Variants in ZNF738 observed in about 807,000 individuals in gnomAD.
ZNF738 encodes the protein protein ZNF738.
In ZNF738, 10 loss-of-function variants were observed where a neutral mutation model predicts 9.2. The observed-to-expected ratio is 1.09, with a 90% CI of 0.67 to 1.85. The LOEUF (loss-of-function observed/expected upper bound fraction) is 1.85, where lower values mean the gene tolerates loss of function less well. ZNF738 is among the 40% of genes most tolerant of loss of function. The pLI, the probability that ZNF738 is intolerant of heterozygous loss-of-function variation, is 0.00. For missense variants in ZNF738, 346 were observed against 283.6 expected (o/e 1.22, Z -1.58); for synonymous variants, 113 against 94.5 (o/e 1.20, Z -1.14).
At chr19:21,371,318 C>T (rs1973854299) in intron 2 of ZNF738, among the ~76,000 whole-genome samples, 1 of 152,192 alleles carries the variant, frequency 6.6e-6, no homozygotes, top group African/African-American at 2.4e-5. Context: ...CTCTCCTAAT[C>T]ACCTGGGTGT....
At chr19:21,382,075 T>TTTA (rs1974013953) in intron 4 of ZNF738, among the ~76,000 whole-genome samples, 1 of 145,052 alleles carries the variant, frequency 6.9e-6, no homozygotes, top group African/African-American at 2.6e-5. Flanking sequence ...TCTTTTTTTT[T>TTTA]TTTTTTTTGA....
At chr19:21,381,872 T>G in intron 4 of ZNF738, 1 of 277,180 alleles carries the variant, frequency 3.6e-6, no homozygotes, top group Non-Finnish European at 7.3e-6. Flanking sequence ...GGGCTGCAGC[T>G]TCCTCTTGCT....
intron 2 of ZNF738, among the ~76,000 whole-genome samples, chr19:21,364,549 T>G (rs924994622): frequency 9.9e-5 from 15 of 151,962 alleles, no homozygotes; most frequent in Non-Finnish European, 1.8e-4. Context: ...AGGTGCCAAG[T>G]TTTTACCAAA....
chr19:21,378,785 G>C, intron 4 of ZNF738: 1 of 235,860 alleles, frequency 4.2e-6, no homozygotes, highest in African/African-American at 2.4e-5. Flanking sequence ...TTTTAGTAGA[G>C]ACAGGGTTTC....
chr19:21,370,608 C>G (rs948407461), intron 2 of ZNF738, among the ~76,000 whole-genome samples: 6 of 152,146 alleles, frequency 3.9e-5, no homozygotes, highest in African/African-American at 1.4e-4. Flanking sequence ...TTTGTTCAGT[C>G]TTTGGAGGAT....
Position 21,383,854 on chromosome 19 carries a change from T to G in ZNF738, c.*180T>G, listed in dbSNP as rs1323503998. ...AAATGTGGAGAATGTGGCAAAGCTT[T>G]CTTCAGATTCTCATACCTTACTACA... On this transcript the variant is annotated 3_prime_UTR_variant, in exon 5 of 5. Transcript: ENST00000683779. The G allele has an allele frequency of 5.9e-6, 8 of 1,356,164 alleles. No individual in the cohort carries two copies. The Admixed American group carries it at 8.5e-5, about 14-fold the overall frequency. 84.0% of individuals were successfully genotyped at this position (1,356,164 alleles called of 1,614,324 possible). A position where few individuals can be genotyped will look rare whatever the true frequency, so the allele number is the denominator to read the frequency against.
chr19:21,373,582 T>A (rs1307338573), intron 2 of ZNF738, among the ~76,000 whole-genome samples: 2 of 152,282 alleles, frequency 1.3e-5, no homozygotes, highest in South Asian at 2.1e-4. Context: ...TGTTCCTGAA[T>A]CTCTGCTGTT....
chr19:21,384,896 A>G lies in ZNF738; in HGVS notation c.*1222A>G, dbSNP rs1458855829. 6.7e-6 allele frequency among the ~76,000 whole-genome samples: 1 copy of G among 149,084 alleles called. No individual in the cohort carries two copies. The highest frequency in any genetic ancestry group is 1.5e-5 in the Non-Finnish European group (1 of 67,040). ...CTTCAACCCTTACTATACATAAGAT[A>G]ATTCATATTGGAGAATAACACTACA... On this transcript the variant is annotated 3_prime_UTR_variant, in exon 5 of 5. Coordinates refer to ENST00000683779, the MANE Select transcript of ZNF738 (RefSeq NM_001355237.2).
At chr19:21,381,348 T>C in intron 4 of ZNF738, 5 of 1,516,120 alleles carry the variant, frequency 3.3e-6, no homozygotes, top group Non-Finnish European at 4.6e-6. Context: ...TTTGCTTTCT[T>C]TTTGATGAAT....
chr19:21,377,479 C>A, intron 4 of ZNF738: 1 of 701,590 alleles, frequency 1.4e-6, no homozygotes, highest in Non-Finnish European at 2.6e-6. Flanking sequence ...TATTTGGAAC[C>A]TTAGTGTGAC....
intron 4 of ZNF738, chr19:21,381,133 G>A (rs373971570): frequency 1.3e-6 from 1 of 795,850 alleles, no homozygotes; most frequent in African/African-American, 1.7e-5. Flanking sequence ...AGCACATTAA[G>A]CACGTGAGAG....
chr19:21,363,560 T>C (rs560237961), intron 2 of ZNF738, among the ~76,000 whole-genome samples: 2 of 152,246 alleles, frequency 1.3e-5, no homozygotes, highest in South Asian at 4.1e-4. Flanking sequence ...TTCTAGACTT[T>C]GTAATATGTT....
At chr19:21,360,325 C>G (rs1973666144) in intron 1 of ZNF738, 1 of 152,176 alleles carries the variant, frequency 6.6e-6, no homozygotes. Flanking sequence ...TAAGTCTAAC[C>G]CCCATCCCTC....
At chr19:21,377,504 A>C in intron 4 of ZNF738, 1 of 668,436 alleles carries the variant, frequency 1.5e-6, no homozygotes, top group Non-Finnish European at 2.7e-6. Context: ...ACACAGACAC[A>C]CAGACGTGCA....
At chr19:21,378,190 TATA>T (rs1342711601) in intron 4 of ZNF738, 2 of 364,088 alleles carry the variant, frequency 5.5e-6, no homozygotes, top group African/African-American at 4.2e-5. Flanking sequence ...TTAACATGTT[TATA>T]ATGATTTCTA....
rs1973836616 is a variant in ZNF738 at position 21,370,002 on chromosome 19, T to G, written c.97-5236T>G. 2.6e-5 allele frequency among the ~76,000 whole-genome samples: 4 copies of G among 152,228 alleles called. No individual in the cohort carries two copies. In the South Asian group the frequency reaches 8.3e-4, roughly 32 times the overall value. ...CTAATTTTCGTATTTTTAGTAGAGATTGGGTTTTACCATGTTGGTCACACT... is the reference window on the plus strand; with the variant it reads ...CTAATTTTCGTATTTTTAGTAGAGAGTGGGTTTTACCATGTTGGTCACACT... On this transcript the variant is annotated intron_variant, in intron 2 of 4. Transcript: ENST00000683779.
chr19:21,367,032 T>C (rs1354202582), intron 2 of ZNF738, among the ~76,000 whole-genome samples: 2 of 152,198 alleles, frequency 1.3e-5, no homozygotes, highest in South Asian at 2.1e-4. Flanking sequence ...ATGGATGCTG[T>C]GTACCTCTGA....
chr19:21,373,521 C>T (rs1206966928), intron 2 of ZNF738, among the ~76,000 whole-genome samples: 1 of 152,118 alleles, frequency 6.6e-6, no homozygotes, highest in Non-Finnish European at 1.5e-5. Context: ...AAAGCAGGCA[C>T]CTGAAGACAG....
chr19:21,384,804 CAT>C lies in ZNF738; in HGVS notation c.*1132_*1133del, dbSNP rs1187044644. 1.3e-5 allele frequency among the ~76,000 whole-genome samples: 2 copies of C among 152,240 alleles called. No individual in the cohort carries two copies. The highest frequency in any genetic ancestry group is 1.9e-4 in the East Asian group (1 of 5,172). Reference sequence around the variant, plus strand: ...TAACTGGTCCTCAAACCTTACTAAACATAAGAAAATTCATACTGGAGAGACAC... The same window carrying C: ...TAACTGGTCCTCAAACCTTACTAAACAAGAAAATTCATACTGGAGAGACAC... On this transcript the variant is annotated 3_prime_UTR_variant, in exon 5 of 5. Transcript: ENST00000683779.
Sources: gnomAD v4.1 joint callset for allele counts (sites outside exome capture counted in the v4.1 genomes callset) on GRCh38, gnomAD v4.1.1 for gene constraint, MANE v1.5 for transcripts, NCBI Gene and HGNC (gene_info 2026-07-23, HGNC 2026-07-21) for gene names.